The following DMPK variants were observed in gnomAD, a reference collection of about 807,000 sequenced individuals.
The protein encoded by DMPK is myotonin-protein kinase.
In DMPK, 32 loss-of-function variants were observed where a neutral mutation model predicts 70.3. That is an observed-to-expected ratio of 0.46 (90% CI 0.34 to 0.61). The LOEUF (loss-of-function observed/expected upper bound fraction) is 0.61, where lower values mean the gene tolerates loss of function less well. Ranked by LOEUF, DMPK falls within the 20% of genes least tolerant of loss-of-function variation. The probability of loss-of-function intolerance (pLI) is 0.01; values close to 1 mark genes in which losing one functional copy is unlikely to be tolerated. For missense variants in DMPK, 899 were observed against 886.0 expected (o/e 1.01, Z -0.19); for synonymous variants, 469 against 390.9 (o/e 1.20, Z -2.36).
intron 1 of DMPK, chr19:45,780,737 C>T (rs1014158231): frequency 1.3e-5 from 6 of 459,942 alleles, no homozygotes; most frequent in Admixed American, 6.4e-5. Context: ...AGAGGGGTTC[C>T]GGGGGGTTCC....
intron 1 of DMPK, among the ~76,000 whole-genome samples, chr19:45,781,575 C>T (rs1568587521): frequency 6.6e-6 from 1 of 152,174 alleles, no homozygotes; most frequent in Non-Finnish European, 1.5e-5. Context: ...GAAGGAGACA[C>T]ACCCAGAAGA....
intron 10 of DMPK, chr19:45,772,405 G>C (rs1969514970): frequency 7.1e-6 from 3 of 421,394 alleles, no homozygotes; most frequent in Non-Finnish European, 1.3e-5. Context: ...TCCTTCACCA[G>C]CGCTCAGCTC....
rs774256278 is a variant in DMPK at position 45,779,487 on chromosome 19, C to G, written c.288G>C (p.Val96=). Reference sequence around the variant, plus strand: ...ACTTGTTCATGATCTTCATGGCATACACCTGGCCCGTCTGCTTCATCTTCA... The same window carrying G: ...ACTTGTTCATGATCTTCATGGCATAGACCTGGCCCGTCTGCTTCATCTTCA... The part of the protein sequence containing the change: ...AVVKMKQTGQ[V]YAMKIMNKWD... The change falls in exon 3 of 15, where the codon GTG becomes GTC. Residue 96 remains valine, a synonymous_variant. Coordinates refer to ENST00000291270, the MANE Select transcript of DMPK (RefSeq NM_004409.5). 2.5e-6 allele frequency: 4 copies of G among 1,613,878 alleles called. No individual in the cohort carries two copies. Among genetic ancestry groups the G allele is most frequent in the Non-Finnish European group, 2.5e-6 (3 of 1,180,040 alleles).
Position 45,777,080 on chromosome 19 carries a change from C to T in DMPK, c.1146+247G>A, listed in dbSNP as rs115867412. The T allele has an allele frequency of 6.4e-3, 3,187 of 495,790 alleles. 88 individuals carry two copies. The highest frequency in any genetic ancestry group is 0.056 in the African/African-American group (2,878 of 51,070). The allele number at this position is 495,790 out of a possible 1,614,324, so 30.7% of individuals were successfully genotyped here. A position where few individuals can be genotyped will look rare whatever the true frequency, so the allele number is the denominator to read the frequency against. ...TCCTTGCTGAGTCAGGAGTCCCCCACCCCCTGCACTCCATTGTCTCAGCCC... is the reference window on the plus strand; with the variant it reads ...TCCTTGCTGAGTCAGGAGTCCCCCATCCCCTGCACTCCATTGTCTCAGCCC... On this transcript the variant is annotated intron_variant, in intron 8 of 14. Transcript: ENST00000291270. The surrounding 1 kb of genome is among the most constrained non-coding windows in gnomAD (Gnocchi z 6.7).
At chr19:45,778,084 C>T in intron 6 of DMPK, 43 bp downstream of exon 6, 2 of 1,512,846 alleles carry the variant, frequency 1.3e-6, no homozygotes, top group African/African-American at 1.4e-5. Flanking sequence ...TTCCATCCCT[C>T]ATCAGCAGCC....
At chr19:45,771,288 C>A in intron 13 of DMPK, 62 bp downstream of exon 13, 1 of 1,542,796 alleles carries the variant, frequency 6.5e-7, no homozygotes, top group Non-Finnish European at 8.7e-7. Flanking sequence ...AGACCAGGAG[C>A]CAGGGAGGGG....
chr19:45,779,496 C>T lies in DMPK; in HGVS notation c.279G>A (p.Thr93=), dbSNP rs752178847. The change falls in exon 3 of 15, where the codon ACG becomes ACA. Residue 93 remains threonine (T), a synonymous_variant. Coordinates refer to ENST00000291270, the MANE Select transcript of DMPK (RefSeq NM_004409.5). The part of the protein sequence containing the change: ...SEVAVVKMKQ[T]GQVYAMKIMN... ...TGATCTTCATGGCATACACCTGGCC[C>T]GTCTGCTTCATCTTCACTACCGCTA... 2.5e-5 allele frequency: 40 copies of T among 1,613,798 alleles called. No individual in the cohort carries two copies. The highest frequency in any genetic ancestry group is 3.3e-5 in the Admixed American group (2 of 59,992).
In DMPK at chr19:45,779,249, C is replaced by A. The variant is rs369599562; in HGVS notation, c.432+15G>T. 1.2e-6 allele frequency: 2 copies of A among 1,612,966 alleles called. No individual in the cohort carries two copies. The highest frequency in any genetic ancestry group is 2.2e-5 in the South Asian group (2 of 91,058). On this transcript the variant is annotated intron_variant, in intron 4 of 14. Transcript: ENST00000291270. ...CTCTTGTCCCTCTTCCTAGTCACCCCGGCCCGGAGCTCACCAGGTAGTTCT... is the reference window on the plus strand; with the variant it reads ...CTCTTGTCCCTCTTCCTAGTCACCCAGGCCCGGAGCTCACCAGGTAGTTCT...
intron 11 of DMPK, 26 bp from the exon 12 acceptor site, chr19:45,771,691 C>G (rs1385310117): frequency 1.9e-6 from 3 of 1,613,214 alleles, no homozygotes; most frequent in Non-Finnish European, 2.5e-6. Context: ...GACGGTGAGT[C>G]CGTCCGGGCC....
At chr19:45,779,032 C>CTT (rs1969951108) in intron 4 of DMPK, 2 of 599,066 alleles carry the variant, frequency 3.3e-6, no homozygotes, top group Non-Finnish European at 5.9e-6. Flanking sequence ...ACAGAGACAT[C>CTT]TTTATAAGAG....
At position 45,777,117 on chromosome 19, in the gene DMPK, G is replaced by T; in HGVS notation, c.1146+210C>A. The T allele has an allele frequency of 3.0e-6, 2 of 669,730 alleles. No individual in the cohort carries two copies. The highest frequency in any genetic ancestry group is 2.4e-6 in the Non-Finnish European group (1 of 420,412). The allele number at this position is 669,730 out of a possible 1,614,324, so 41.5% of individuals were successfully genotyped here. A position where few individuals can be genotyped will look rare whatever the true frequency, so the allele number is the denominator to read the frequency against. On this transcript the variant is annotated intron_variant, in intron 8 of 14. Coordinates refer to ENST00000291270, the MANE Select transcript of DMPK (RefSeq NM_004409.5). The surrounding 1 kb of genome is among the most constrained non-coding windows in gnomAD (Gnocchi z 6.7). ...CATTGTCTCAGCCCTGATCACTCTG[G>T]GGCCTTACTGTCTGAAGACTGCTCT...
At position 45,779,512 on chromosome 19, in the gene DMPK, A is replaced by T; in HGVS notation, c.263T>A (p.Val88Glu). 6 of 1,613,380 alleles carry T rather than the reference A, an allele frequency of 3.7e-6. No homozygotes were observed. The highest frequency in any genetic ancestry group is 4.2e-6 in the Non-Finnish European group (5 of 1,179,924). ...GRGAFSEVAV[V>E]KMKQTGQVYA... ...CACCTGGCCCGTCTGCTTCATCTTC[A>T]CTACCGCTACCTGAGGTCGAGATAG... is the stretch of plus-strand genomic sequence containing the variant. The change falls in exon 3 of 15, where the codon GTG becomes GAG. Residue 88 changes from valine to glutamate, a missense_variant. Val to Glu is a moderately radical substitution (Grantham distance 121, BLOSUM62 -2). Transcript: ENST00000291270.
chr19:45,781,688 G>C (rs1189154990), intron 1 of DMPK, among the ~76,000 whole-genome samples: 1 of 152,200 alleles, frequency 6.6e-6, no homozygotes, highest in African/African-American at 2.4e-5. Context: ...CGCCCTCCCA[G>C]TGCCTGGGCA....
At chr19:45,782,146 G>GGCC in intron 1 of DMPK, 47 bp downstream of exon 1, 4 of 895,766 alleles carry the variant, frequency 4.5e-6, no homozygotes, top group Non-Finnish European at 4.5e-6. Flanking sequence ...CCTGTCTCCT[G>GGCC]CCCCACCCCC....
intron 1 of DMPK, among the ~76,000 whole-genome samples, chr19:45,781,830 C>T (rs75890421): frequency 0.026 from 3,979 of 152,278 alleles, 172 homozygotes; most frequent in African/African-American, 0.09. Context: ...ATAGAGCCCA[C>T]TTTTGGGGGG....
rs936450749 is a variant in DMPK at position 45,769,940 on chromosome 19, TGAG to T, written c.*545_*547del. The T allele has an allele frequency of 4.0e-5, 12 of 296,452 alleles. No individual in the cohort carries two copies. The highest frequency in any genetic ancestry group is 6.5e-5 in the Non-Finnish European group (10 of 153,164). The allele number at this position is 296,452 out of a possible 1,614,324, so 18.4% of individuals were successfully genotyped here. On this transcript the variant is annotated 3_prime_UTR_variant, in exon 15 of 15. Transcript: ENST00000291270. ...GCTGGGGCTCCGAGAGCAGCGCAAG[TGAG>T]GAGGGGGGCGCGGGATCCCCGAAAA...
At position 45,777,408 on chromosome 19, in the gene DMPK, T is replaced by C. The variant is rs761077797; in HGVS notation, c.1065A>G (p.Thr355=). Residue 355 remains threonine, a synonymous_variant, in exon 8 of 15, where the codon ACA becomes ACG. Transcript: ENST00000291270. The surrounding 1 kb of genome is among the most constrained non-coding windows in gnomAD (Gnocchi z 6.7). The part of the protein sequence containing the change: ...DGLRDSVPPF[T]PDFEGATDTC... ...TGTCGGTGGCACCTTCGAAATCCGG[T>C]GTAAAGGGGGGCACGCTGTCCCGGA... The C allele has an allele frequency of 2.1e-5, 34 of 1,612,588 alleles. No homozygotes were observed. The East Asian group carries it at 6.9e-4, about 33-fold the overall frequency.
chr19:45,770,437 C>G lies in DMPK; in HGVS notation c.*51G>C. The stretch of plus-strand genomic sequence containing the variant: ...TGGGCGCGGCTTCTGTGCCGTGCCC[C>G]GGGCACTCAGTCTTCCAACGGGGCC... On this transcript the variant is annotated 3_prime_UTR_variant, in exon 15 of 15. Transcript: ENST00000291270. The G allele has an allele frequency of 1.9e-6, 3 of 1,544,700 alleles. No homozygotes were observed. The highest frequency in any genetic ancestry group is 2.6e-6 in the Non-Finnish European group (3 of 1,143,312).
intron 1 of DMPK, 53 bp from the exon 2 acceptor site, chr19:45,779,922 G>A (rs753922780): frequency 2.5e-6 from 4 of 1,613,094 alleles, no homozygotes; most frequent in Non-Finnish European, 2.5e-6. Context: ...GGGCACTGGA[G>A]ACAAGGGGGA....
Sources: allele counts gnomAD v4.1 joint callset (sites outside exome capture counted in the v4.1 genomes callset), GRCh38; gene constraint gnomAD v4.1.1; non-coding constraint Gnocchi (gnomAD v3.1); transcripts MANE v1.5; gene names NCBI Gene and HGNC (gene_info 2026-07-23, HGNC 2026-07-21).